L2HGDH: variants seen among roughly 807,000 people sequenced by gnomAD.
L2HGDH encodes the protein L-2-hydroxyglutarate dehydrogenase, also known as L-2-hydroxyglutarate dehydrogenase, mitochondrial.
In L2HGDH, 34 loss-of-function variants were observed where a neutral mutation model predicts 51.5. The ratio of observed to expected loss-of-function variants is 0.66; its 90% CI spans 0.50 to 0.88. L2HGDH has a LOEUF of 0.88. L2HGDH is among the 40% of genes least tolerant of loss of function. The pLI is 0.00. For missense variants in L2HGDH, 558 were observed against 571.9 expected, an observed-to-expected ratio of 0.98 and a Z score of 0.25; for synonymous variants, 198 against 197.9, an observed-to-expected ratio of 1.00 and a Z score of -0.01.
In L2HGDH at chr14:50,291,693, AT is replaced by A. The variant is rs796463935; in HGVS notation, c.540+2421del. Among the ~76,000 whole-genome samples the A allele has an allele frequency of 4.4e-4, 67 of 152,090 alleles. 1 individual carries two copies. Among genetic ancestry groups the A allele is most frequent in the African/African-American group, 1.5e-3 (64 of 41,504 alleles). On this transcript the variant is annotated intron_variant, in intron 4 of 9. Coordinates refer to ENST00000267436, the MANE Select transcript of L2HGDH (RefSeq NM_024884.3). Reference sequence around the variant, plus strand: ...AACTAGAGATAAAGGGAAAAAATACATTTTTTTTCCTTCAAGCTTTTATTTT... The same window carrying A: ...AACTAGAGATAAAGGGAAAAAATACATTTTTTTCCTTCAAGCTTTTATTTT...
intron 9 of L2HGDH, among the ~76,000 whole-genome samples, chr14:50,247,872 A>T (rs1379268189): frequency 6.6e-6 from 1 of 152,174 alleles, no homozygotes. Flanking sequence ...TAAATTTAGC[A>T]GCATGTTAAT....
At chr14:50,287,106 T>A (rs1448164102) in intron 4 of L2HGDH, 2 of 854,872 alleles carry the variant, frequency 2.3e-6, no homozygotes, top group Non-Finnish European at 2.8e-6. Context: ...TCTTCATTTA[T>A]AAGACACAAA....
chr14:50,265,114 G>T (rs1362557647), intron 9 of L2HGDH, among the ~76,000 whole-genome samples: 3 of 152,196 alleles, frequency 2.0e-5, no homozygotes, highest in African/African-American at 7.2e-5. Context: ...AGAGATTTCA[G>T]ATTAGAGCTG....
intron 6 of L2HGDH, among the ~76,000 whole-genome samples, chr14:50,274,294 G>C (rs1040848219): frequency 2.2e-5 from 3 of 138,624 alleles, no homozygotes; most frequent in Non-Finnish European, 3.2e-5. Context: ...AAAGGGGAGT[G>C]GGGGGGCCAA....
Position 50,254,650 on chromosome 14 carries a change from C to T in L2HGDH, c.1197-7397G>A, listed in dbSNP as rs1449242715. ...TTAACCACAGTTAAAAATGTCTACA[C>T]TTATTTTTCTTACAAACAAAAATTA... On this transcript the variant is annotated intron_variant, in intron 9 of 9. Transcript: ENST00000267436. 2.0e-5 allele frequency among the ~76,000 whole-genome samples: 3 copies of T among 152,082 alleles called. No homozygotes were observed. In the East Asian group the frequency reaches 5.8e-4, roughly 29 times the overall value.
rs181038918 is a variant in L2HGDH at position 50,244,694 on chromosome 14, T to C, written c.*2364A>G. ...TTCTTAAACATGAGCTGATGAAGTG[T>C]AGCCTTTCAAATTAATGGATGAGGT... On this transcript the variant is annotated 3_prime_UTR_variant, in exon 10 of 10. Transcript: ENST00000267436. 9.4e-4 allele frequency: 923 copies of C among 985,476 alleles called. 5 individuals carry two copies. The African/African-American group carries it at 0.015, about 16-fold the overall frequency. 61.0% of individuals were successfully genotyped at this position (985,476 alleles called of 1,614,324 possible). A position where few individuals can be genotyped will look rare whatever the true frequency, so the allele number is the denominator to read the frequency against.
chr14:50,312,050 G>C lies in L2HGDH; in HGVS notation c.101C>G (p.Pro34Arg). 1 of 1,589,340 alleles carries C rather than the reference G, an allele frequency of 6.3e-7. No individual in the cohort carries two copies. The highest frequency in any genetic ancestry group is 8.5e-7 in the Non-Finnish European group (1 of 1,169,808). Reference protein sequence around the residue: ...PGACGFASGRPRPLCGGSRSA... With the variant: ...PGACGFASGRRRPLCGGSRSA... ...GCGGCTACCTCCACACAGCGGTCTTGGCCTCCCAGACGCGAACCCGCACGC... is the reference window on the plus strand; with the variant it reads ...GCGGCTACCTCCACACAGCGGTCTTCGCCTCCCAGACGCGAACCCGCACGC... Residue 34 changes from proline (P) to arginine (R), a missense_variant, in exon 1 of 10, where the codon CCA (proline) becomes CGA (arginine). Pro to Arg is a moderately radical substitution (Grantham distance 103). Around this residue, in one of 3 missense-constraint regions of L2HGDH, gnomAD observed 194 missense variants for 187.2 expected, o/e 1.04. Coordinates refer to ENST00000267436, the MANE Select transcript of L2HGDH (RefSeq NM_024884.3).
At chr14:50,257,701 A>T (rs1888754004) in intron 9 of L2HGDH, among the ~76,000 whole-genome samples, 1 of 151,194 alleles carries the variant, frequency 6.6e-6, no homozygotes, top group African/African-American at 2.4e-5. Context: ...CTATATTTTT[A>T]TTTCCAGAAA....
chr14:50,265,361 A>C lies in L2HGDH; in HGVS notation c.1193T>G (p.Leu398Arg). The stretch of plus-strand genomic sequence containing the variant: ...ACTCCTTATCCCTTTTCCTTACCTA[A>C]GTATATCACTGATAGTAATTTCAGG... ...FIPEITISDI[L>R]RGPAGVRAQA... The change falls in exon 9 of 10, where the codon CTT (leucine) becomes CGT (arginine). Residue 398 changes from leucine to arginine, a missense_variant. Physicochemically the swap from Leu to Arg is moderately radical, Grantham distance 102. This residue lies in a region of L2HGDH where 321 missense variants were observed against 311.8 expected (regional missense o/e 1.03). Coordinates refer to ENST00000267436, the MANE Select transcript of L2HGDH (RefSeq NM_024884.3). 6.2e-7 allele frequency: 1 copy of C among 1,610,998 alleles called. No homozygotes were observed. The highest frequency in any genetic ancestry group is 8.5e-7 in the Non-Finnish European group (1 of 1,177,278).
Position 50,302,951 on chromosome 14 carries a change from C to G in L2HGDH, c.207G>C (p.Leu69=), listed in dbSNP as rs200693926. Residue 69 remains leucine (L), a synonymous_variant, in exon 2 of 10, where the codon CTG becomes CTC. Coordinates refer to ENST00000267436, the MANE Select transcript of L2HGDH (RefSeq NM_024884.3). ...CACCAATAGAAAGTGATGGATGTCG[C>G]AGGATGAGTGCTCTGGCAGAGGCAA... The part of the protein sequence containing the change: ...VGLASARALI[L]RHPSLSIGVL... The G allele has an allele frequency of 8.1e-6, 13 of 1,614,014 alleles. No individual in the cohort carries two copies. The East Asian group carries it at 2.9e-4, about 36-fold the overall frequency.
At chr14:50,247,519 A>G (rs539158146) in intron 9 of L2HGDH, among the ~76,000 whole-genome samples, 2 of 152,334 alleles carry the variant, frequency 1.3e-5, no homozygotes, top group East Asian at 1.9e-4. Flanking sequence ...TTATTTATCA[A>G]TGTCTGCTCT....
chr14:50,311,460 T>A (rs1382105008), intron 1 of L2HGDH: 2 of 456,046 alleles, frequency 4.4e-6, no homozygotes, highest in South Asian at 3.1e-5. Context: ...AAGACAATGG[T>A]TTCGAATGTG....
At chr14:50,263,622 G>A (rs1169715372) in intron 9 of L2HGDH, among the ~76,000 whole-genome samples, 2 of 152,170 alleles carry the variant, frequency 1.3e-5, no homozygotes, top group Non-Finnish European at 2.9e-5. Context: ...AATGGAGGGT[G>A]AGAGTACCTC....
At chr14:50,259,675 G>A (rs10132003) in intron 9 of L2HGDH, among the ~76,000 whole-genome samples, 135,250 of 149,620 alleles carry the variant, frequency 0.9, 61,355 homozygotes, top group African/African-American at 0.97. Flanking sequence ...TAAAAATAGG[G>A]AAAAAAAAAT....
rs780582737 is a variant in L2HGDH, at chr14:50,312,170, C to T, written c.-20G>A. 4.4e-6 allele frequency: 7 copies of T among 1,608,280 alleles called. No individual in the cohort carries two copies. The highest frequency in any genetic ancestry group is 1.7e-4 in the Middle Eastern group (1 of 6,052). ...CACCATCCCCTACGCACGCTCCCCT[C>T]CCTCAGCGCTCAGAAGAAGCCACTT... is the stretch of plus-strand genomic sequence containing the variant. On this transcript the variant is annotated 5_prime_UTR_variant, in exon 1 of 10. Coordinates refer to ENST00000267436, the MANE Select transcript of L2HGDH (RefSeq NM_024884.3).
intron 9 of L2HGDH, among the ~76,000 whole-genome samples, chr14:50,250,074 G>A (rs1189449570): frequency 6.6e-6 from 1 of 151,886 alleles, no homozygotes; most frequent in Non-Finnish European, 1.5e-5. Flanking sequence ...GCTGATTTTT[G>A]TATTTTTAGT....
intron 9 of L2HGDH, among the ~76,000 whole-genome samples, chr14:50,259,216 ATCC>A (rs1184748539): frequency 1.3e-5 from 2 of 151,586 alleles, no homozygotes; most frequent in Non-Finnish European, 2.9e-5. Context: ...GGCTCAGGCA[ATCC>A]TCCTACCTCA....
intron 4 of L2HGDH, among the ~76,000 whole-genome samples, chr14:50,290,067 C>T (rs1019741616): frequency 6.6e-6 from 1 of 152,068 alleles, no homozygotes; most frequent in African/African-American, 2.4e-5. Context: ...AGATCAAGAC[C>T]ATCCTGGCTA....
intron 1 of L2HGDH, among the ~76,000 whole-genome samples, chr14:50,304,768 G>T (rs2030630979): frequency 6.6e-6 from 1 of 152,152 alleles, no homozygotes; most frequent in Non-Finnish European, 1.5e-5. Context: ...CCAGGAGGCG[G>T]AGCTTGCAGT....
Sources: allele counts gnomAD v4.1 joint callset (sites outside exome capture counted in the v4.1 genomes callset), GRCh38; gene constraint gnomAD v4.1.1; regional missense constraint gnomAD v4.1.1; transcripts MANE v1.5; gene names NCBI Gene and HGNC (gene_info 2026-07-23, HGNC 2026-07-21).